Variants in SASS6 observed in about 807,000 individuals in gnomAD.
SASS6 encodes spindle assembly abnormal protein 6 homolog.
SASS6 carries 59 observed loss-of-function variants against 94.9 expected under a neutral mutation model. That is an observed-to-expected ratio of 0.62 (90% confidence interval 0.50 to 0.77). The LOEUF is 0.77. Among genes scored for constraint, SASS6 ranks in the 30% least tolerant of loss-of-function variants. The pLI is 0.00. For synonymous variants in SASS6, 264 were observed against 270.0 expected, an observed-to-expected ratio of 0.98 and a Z score of 0.22; for missense variants, 698 against 734.1, an observed-to-expected ratio of 0.95 and a Z score of 0.57.
chr1:100,122,764 A>G (rs1013717469), intron 3 of SASS6, among the ~76,000 whole-genome samples: 3 of 151,840 alleles, frequency 2.0e-5, no homozygotes, highest in African/African-American at 4.8e-5. Flanking sequence ...TGTTGGTCAG[A>G]CTAGTCTCGA....
chr1:100,107,058 T>C, intron 11 of SASS6, 65 bp from the exon 12 acceptor site: 1 of 661,960 alleles, frequency 1.5e-6, no homozygotes, highest in Non-Finnish European at 2.7e-6. Flanking sequence ...CTGAAGAATG[T>C]ATTATTATTA....
chr1:100,104,985 A>G (rs989010663), intron 13 of SASS6, among the ~76,000 whole-genome samples: 1 of 151,988 alleles, frequency 6.6e-6, no homozygotes, highest in Non-Finnish European at 1.5e-5. Flanking sequence ...TGGGAGCTAG[A>G]AAGTTTATAT....
intron 5 of SASS6, among the ~76,000 whole-genome samples, chr1:100,121,028 C>G (rs911687922): frequency 1.5e-5 from 2 of 131,484 alleles, no homozygotes; most frequent in African/African-American, 2.9e-5. Context: ...CCAGCCTGGG[C>G]GACAGAGCGA....
At chr1:100,118,851 T>G (rs764341921) in intron 7 of SASS6, among the ~76,000 whole-genome samples, 167 bp downstream of exon 7, 30 of 152,194 alleles carry the variant, frequency 2.0e-4, no homozygotes, top group African/African-American at 7.2e-4. Context: ...AAAATGTTTA[T>G]AGATTATCTC....
At chr1:100,097,417 T>G (rs894695052) in intron 14 of SASS6, among the ~76,000 whole-genome samples, 2 of 152,184 alleles carry the variant, frequency 1.3e-5, no homozygotes, top group African/African-American at 4.8e-5. Context: ...AACTGATGAA[T>G]GAACAAATTG....
intron 7 of SASS6, among the ~76,000 whole-genome samples, chr1:100,112,283 T>C (rs1653400587): frequency 6.6e-6 from 1 of 152,202 alleles, no homozygotes; most frequent in East Asian, 1.9e-4. Flanking sequence ...ATAATAATGA[T>C]ATGAATGGGA....
At chr1:100,127,448 TA>T (rs1654696528) in intron 1 of SASS6, among the ~76,000 whole-genome samples, 1 of 146,708 alleles carries the variant, frequency 6.8e-6, no homozygotes, top group African/African-American at 2.5e-5. Flanking sequence ...TATATGGGTT[TA>T]AAATGTGTCA....
intron 2 of SASS6, among the ~76,000 whole-genome samples, chr1:100,125,567 T>C (rs941149240): frequency 1.3e-5 from 2 of 148,706 alleles, no homozygotes; most frequent in Non-Finnish European, 3.0e-5. Context: ...TAGTCCCAGC[T>C]ACTTGGGAGG....
chr1:100,113,150 T>C (rs546830264), intron 7 of SASS6, among the ~76,000 whole-genome samples: 2 of 152,218 alleles, frequency 1.3e-5, no homozygotes, highest in Admixed American at 6.5e-5. Flanking sequence ...TAGAGTGAGG[T>C]AGAGATTGAA....
intron 7 of SASS6, among the ~76,000 whole-genome samples, chr1:100,112,870 A>C (rs1306641952): frequency 6.6e-6 from 1 of 152,214 alleles, no homozygotes; most frequent in Non-Finnish European, 1.5e-5. Context: ...CTGGGGATGA[A>C]GCCCAGCAAT....
intron 1 of SASS6, among the ~76,000 whole-genome samples, chr1:100,132,379 C>T (rs1655119904): frequency 6.6e-6 from 1 of 152,102 alleles, no homozygotes. Flanking sequence ...GAGTTCTAGT[C>T]CTGACCCTGC....
At chr1:100,107,294 T>C (rs1393698511) in intron 11 of SASS6, 80 bp downstream of exon 11, 2 of 851,658 alleles carry the variant, frequency 2.3e-6, no homozygotes, top group Non-Finnish European at 3.7e-6. Context: ...ACCAAAGCCA[T>C]TTGTTAATGT....
At chr1:100,121,339 CTTATT>C in intron 5 of SASS6, 34 bp downstream of exon 5, 9 of 1,254,326 alleles carry the variant, frequency 7.2e-6, no homozygotes, top group Non-Finnish European at 1.0e-5. Flanking sequence ...ACCATTGATA[CTTATT>C]TTGTTAAAAG....
In SASS6 at chr1:100,110,501, T is replaced by C. The variant is rs758756619; in HGVS notation, c.670-18A>G. Reference sequence around the variant, plus strand: ...ACCTGTGCCTATGATACAATAAAAATACAGTACCAAAATTCAAAGAAAAAA... The same window carrying C: ...ACCTGTGCCTATGATACAATAAAAACACAGTACCAAAATTCAAAGAAAAAA... On this transcript the variant is annotated intron_variant, in intron 7 of 16. Transcript: ENST00000287482. 1 of 1,372,762 alleles carries C rather than the reference T, an allele frequency of 7.3e-7. No individual in the cohort carries two copies. Among genetic ancestry groups the C allele is most frequent in the East Asian group, 2.6e-5 (1 of 39,128 alleles). 85.0% of individuals were successfully genotyped at this position (1,372,762 alleles called of 1,614,324 possible). A position where few individuals can be genotyped will look rare whatever the true frequency, so the allele number is the denominator to read the frequency against.
At chr1:100,097,399 T>C (rs12127209) in intron 14 of SASS6, among the ~76,000 whole-genome samples, 14,179 of 152,272 alleles carry the variant, frequency 0.093, 731 homozygotes, top group African/African-American at 0.13. Context: ...ACAACTCAAA[T>C]GTCCATCAAC....
Position 100,121,559 on chromosome 1 carries a change from G to GA in SASS6, c.312-11dup. 6 of 1,512,994 alleles carry GA rather than the reference G, an allele frequency of 4.0e-6. No individual in the cohort carries two copies. Among genetic ancestry groups the GA allele is most frequent in the Non-Finnish European group, 5.5e-6 (6 of 1,099,556 alleles). The allele number at this position is 1,512,994 out of a possible 1,614,324, so 93.7% of individuals were successfully genotyped here. A position where few individuals can be genotyped will look rare whatever the true frequency, so the allele number is the denominator to read the frequency against. On this transcript the variant is annotated splice_polypyrimidine_tract_variant and intron_variant, in intron 4 of 16. Transcript: ENST00000287482. ...TAACTGTAGCAAAAACCTTTGAAAA[G>GA]AAAATGTTACATTATAACACACTTA...
chr1:100,096,537 T>C (rs1363110851), intron 14 of SASS6, among the ~76,000 whole-genome samples: 3 of 152,126 alleles, frequency 2.0e-5, no homozygotes, highest in South Asian at 2.1e-4. Context: ...GTTTGATAAA[T>C]TGCACTCCAT....
chr1:100,104,561 G>C (rs1189384560), intron 13 of SASS6, among the ~76,000 whole-genome samples: 2 of 151,794 alleles, frequency 1.3e-5, no homozygotes, highest in African/African-American at 4.8e-5. Flanking sequence ...CTGGGTTCAA[G>C]CAGTTCCCCT....
chr1:100,089,304 G>A (rs1039495203), intron 14 of SASS6, among the ~76,000 whole-genome samples: 4 of 151,844 alleles, frequency 2.6e-5, no homozygotes, highest in African/African-American at 9.7e-5. Context: ...GTACCAAGGA[G>A]GAACACCAAA....
Sources: gnomAD v4.1 joint callset for allele counts (sites outside exome capture counted in the v4.1 genomes callset) on GRCh38, gnomAD v4.1.1 for gene constraint, MANE v1.5 for transcripts, NCBI Gene and HGNC (gene_info 2026-07-23, HGNC 2026-07-21) for gene names.